Variants in NTRK3 observed in about 807,000 individuals in gnomAD.
NTRK3 encodes neurotrophic receptor tyrosine kinase 3, also known as NT-3 growth factor receptor.
NTRK3 carries 24 observed loss-of-function variants against 91.7 expected under a neutral mutation model. The observed-to-expected ratio is 0.26, with a 90% CI of 0.19 to 0.37. NTRK3 has a LOEUF of 0.37. NTRK3 is among the 10% of genes least tolerant of loss of function. The pLI, the probability that NTRK3 is intolerant of heterozygous loss-of-function variation, is 1.00. For missense variants in NTRK3, 880 were observed against 1,068.9 expected (o/e 0.82, Z 2.46); for synonymous variants, 483 against 404.0 (o/e 1.20, Z -2.34).
chr15:87,955,211 G>A (rs570203969), intron 14 of NTRK3, among the ~76,000 whole-genome samples: 16 of 152,336 alleles, frequency 1.1e-4, no homozygotes, highest in African/African-American at 3.6e-4. Context: ...TGTGCCCGTG[G>A]ACACAGAGAC....
chr15:88,148,057 G>T (rs1430944815), intron 5 of NTRK3, among the ~76,000 whole-genome samples: 1 of 152,202 alleles, frequency 6.6e-6, no homozygotes, highest in Non-Finnish European at 1.5e-5. Flanking sequence ...GCCCTTAAAG[G>T]CAGCAGTTAG....
At chr15:88,150,545 C>T (rs1308856548) in intron 5 of NTRK3, among the ~76,000 whole-genome samples, 1 of 152,072 alleles carries the variant, frequency 6.6e-6, no homozygotes, top group African/African-American at 2.4e-5. Context: ...CCCATCAAGC[C>T]CCACCTGGAT....
intron 13 of NTRK3, among the ~76,000 whole-genome samples, chr15:88,042,934 A>G (rs1195540134): frequency 5.9e-5 from 9 of 152,214 alleles, no homozygotes. Context: ...CCCACCCTCC[A>G]GTATTGTTTT....
chr15:88,184,804 CA>C (rs1208083217), intron 3 of NTRK3, among the ~76,000 whole-genome samples: 1 of 152,232 alleles, frequency 6.6e-6, no homozygotes, highest in African/African-American at 2.4e-5. Context: ...CCAGCATCAC[CA>C]GGGTCTAGAC....
chr15:88,246,530 T>C (rs1280600068), intron 3 of NTRK3, among the ~76,000 whole-genome samples: 4 of 152,216 alleles, frequency 2.6e-5, no homozygotes, highest in African/African-American at 9.6e-5. Flanking sequence ...GCTTCCTCCA[T>C]GATACTAGCC....
chr15:87,885,030 G>A (rs915479349), intron 17 of NTRK3, among the ~76,000 whole-genome samples: 2 of 151,826 alleles, frequency 1.3e-5, no homozygotes, highest in African/African-American at 4.8e-5. Context: ...GACAATTAAC[G>A]AAAAAGCAGT....
intron 3 of NTRK3, among the ~76,000 whole-genome samples, chr15:88,213,049 A>G (rs1045907257): frequency 4.6e-5 from 7 of 152,206 alleles, no homozygotes; most frequent in African/African-American, 1.4e-4. Flanking sequence ...TGTGAGGTTT[A>G]AGCCATAGTA....
At chr15:87,979,067 A>G in intron 14 of NTRK3, 1 of 534,228 alleles carries the variant, frequency 1.9e-6, no homozygotes. Context: ...ACAGGTTTTT[A>G]ATTCTCTTTA....
intron 14 of NTRK3, among the ~76,000 whole-genome samples, chr15:87,970,141 C>G (rs576267310): frequency 1.2e-4 from 19 of 152,252 alleles, no homozygotes; most frequent in African/African-American, 4.3e-4. Flanking sequence ...GTAACTTACC[C>G]CATGTCATTT....
intron 14 of NTRK3, among the ~76,000 whole-genome samples, chr15:87,975,833 T>G (rs1172743710): frequency 6.6e-6 from 1 of 152,186 alleles, no homozygotes; most frequent in Non-Finnish European, 1.5e-5. Context: ...GCACAAGGCC[T>G]TGCCTCATTC....
At chr15:88,177,881 C>T (rs993284404) in intron 5 of NTRK3, among the ~76,000 whole-genome samples, 2 of 152,180 alleles carry the variant, frequency 1.3e-5, no homozygotes, top group Non-Finnish European at 2.9e-5. Flanking sequence ...ACTTTCCAGA[C>T]GTTGTCTTAT....
intron 14 of NTRK3, among the ~76,000 whole-genome samples, chr15:87,997,083 A>G (rs2075759957): frequency 6.6e-6 from 1 of 152,194 alleles, no homozygotes; most frequent in Non-Finnish European, 1.5e-5. Flanking sequence ...TCTAAGTTTC[A>G]CTTCCAGTTC....
rs16941195 is a variant in NTRK3 at position 88,053,415 on chromosome 15, C to T, written c.1397-20370G>A. Among the ~76,000 whole-genome samples, 1,515 of 152,270 alleles carry T rather than the reference C, an allele frequency of 9.9e-3. 27 individuals carry two copies. Among genetic ancestry groups the T allele is most frequent in the African/African-American group, 0.032 (1,326 of 41,546 alleles). ...TAAGAGGGTTCCTGGGACTGACAGCCGGACCATGCAAAGGGTATTTGTCAA... is the reference window on the plus strand; with the variant it reads ...TAAGAGGGTTCCTGGGACTGACAGCTGGACCATGCAAAGGGTATTTGTCAA... On this transcript the variant is annotated intron_variant, in intron 13 of 18. Coordinates refer to ENST00000394480, the Ensembl canonical transcript of NTRK3.
Position 88,240,702 on chromosome 15 carries a change from G to T in NTRK3, c.248+15204C>A, listed in dbSNP as rs546682685. Among the ~76,000 whole-genome samples, 1 of 152,228 alleles carries T rather than the reference G, an allele frequency of 6.6e-6. No homozygotes were observed. Among genetic ancestry groups the T allele is most frequent in the African/African-American group, 2.4e-5 (1 of 41,452 alleles). On this transcript the variant is annotated intron_variant, in intron 3 of 18. Coordinates refer to ENST00000394480, the Ensembl canonical transcript of NTRK3. This position sits in a 1 kb window ranked among gnomAD's most constrained non-coding sequence, Gnocchi z 4.9. ...TCAGTTTTCTCCCCTGTAAAATGAGGATGATCGTGGGACCTGCCATGTCAC... is the reference window on the plus strand; with the variant it reads ...TCAGTTTTCTCCCCTGTAAAATGAGTATGATCGTGGGACCTGCCATGTCAC...
chr15:87,962,898 T>C (rs1296455701), intron 14 of NTRK3, among the ~76,000 whole-genome samples: 2 of 152,200 alleles, frequency 1.3e-5, no homozygotes, highest in African/African-American at 4.8e-5. Flanking sequence ...TTAACATTTC[T>C]GGACTGTGCA....
Position 88,171,873 on chromosome 15 carries a change from AACAGG to A in NTRK3, c.395+11540_395+11544del, listed in dbSNP as rs780688461. On this transcript the variant is annotated intron_variant, in intron 5 of 18. Coordinates refer to ENST00000394480, the Ensembl canonical transcript of NTRK3. Reference sequence around the variant, plus strand: ...CCAAATACAAATTTTACATTGAGAAAACAGGATTTAGGGAGACTAGTCTTTGCCCC... The same window carrying A: ...CCAAATACAAATTTTACATTGAGAAAATTTAGGGAGACTAGTCTTTGCCCC... Among the ~76,000 whole-genome samples the A allele has an allele frequency of 1.2e-4, 19 of 152,370 alleles. 1 individual carries two copies. In the East Asian group the frequency reaches 3.1e-3, roughly 25 times the overall value.
intron 5 of NTRK3, among the ~76,000 whole-genome samples, chr15:88,175,686 T>C (rs1176483100): frequency 1.3e-5 from 2 of 152,214 alleles, no homozygotes; most frequent in African/African-American, 2.4e-5. Context: ...TATTGGGTCA[T>C]TGTTATGGGC....
chr15:88,136,115 CT>C, intron 8 of NTRK3, 75 bp from the exon 9 acceptor site: 1 of 1,560,678 alleles, frequency 6.4e-7, no homozygotes, highest in Non-Finnish European at 8.8e-7. Context: ...CCCCAAATAC[CT>C]TTAGGAATCA....
At chr15:87,916,239 A>G (rs1179876789) in intron 17 of NTRK3, 5 of 286,790 alleles carry the variant, frequency 1.7e-5, no homozygotes, top group Non-Finnish European at 3.3e-5. Flanking sequence ...TCTTAATTAC[A>G]GCTAGTAAAG....
Sources: gnomAD v4.1 joint callset for allele counts (sites outside exome capture counted in the v4.1 genomes callset) on GRCh38, gnomAD v4.1.1 for gene constraint, Gnocchi (gnomAD v3.1) non-coding constraint, MANE v1.5 for transcripts, NCBI Gene and HGNC (gene_info 2026-07-23, HGNC 2026-07-21) for gene names.